CNTNAP5: variants seen among roughly 807,000 people sequenced by gnomAD.
The protein encoded by CNTNAP5 is contactin associated protein family member 5.
In CNTNAP5, 72 loss-of-function variants were observed where a neutral mutation model predicts 150.2. The observed-to-expected ratio is 0.48, with a 90% CI of 0.40 to 0.58. CNTNAP5 has a LOEUF of 0.58. CNTNAP5 is among the 20% of genes least tolerant of loss of function. The pLI is 0.00. For missense variants in CNTNAP5, 1,636 were observed against 1,626.2 expected (o/e 1.01, Z -0.10); for synonymous variants, 672 against 619.8 (o/e 1.08, Z -1.25).
chr2:124,498,002 C>T (rs751448575), intron 7 of CNTNAP5, among the ~76,000 whole-genome samples: 11 of 152,222 alleles, frequency 7.2e-5, no homozygotes, highest in Non-Finnish European at 5.9e-5. Flanking sequence ...TGCCATGACA[C>T]TCCTGTCCAT....
chr2:124,104,766 T>C (rs939804431), intron 1 of CNTNAP5, among the ~76,000 whole-genome samples: 14 of 152,320 alleles, frequency 9.2e-5, no homozygotes, highest in African/African-American at 3.1e-4. Context: ...ACAATTCTCC[T>C]GGCCCAGCAC....
intron 3 of CNTNAP5, among the ~76,000 whole-genome samples, chr2:124,274,744 T>A (rs574043763): frequency 6.6e-6 from 1 of 152,298 alleles, no homozygotes; most frequent in Non-Finnish European, 1.5e-5. Context: ...AATATGTTAA[T>A]GATCTAAAGG....
At chr2:124,869,833 G>T (rs1305659180) in intron 21 of CNTNAP5, 71 bp downstream of exon 21, 14 of 926,660 alleles carry the variant, frequency 1.5e-5, no homozygotes, top group South Asian at 1.2e-4. Context: ...TTTCATTAGG[G>T]TGTTTAAGGA....
intron 21 of CNTNAP5, among the ~76,000 whole-genome samples, chr2:124,894,559 CTTTTTT>C (rs200027631): frequency 7.0e-6 from 1 of 142,094 alleles, no homozygotes; most frequent in Non-Finnish European, 1.5e-5. Context: ...TTTTCTTTTT[CTTTTTT>C]TTTTTTAAGA....
chr2:124,403,110 T>C (rs1244001488), intron 3 of CNTNAP5, among the ~76,000 whole-genome samples: 4 of 152,240 alleles, frequency 2.6e-5, no homozygotes, highest in Admixed American at 6.5e-5. Flanking sequence ...AGTTCCTCCT[T>C]AACTTTAGTT....
intron 2 of CNTNAP5, among the ~76,000 whole-genome samples, chr2:124,231,362 A>C (rs1379462512): frequency 6.6e-6 from 1 of 152,124 alleles, no homozygotes; most frequent in Non-Finnish European, 1.5e-5. Context: ...ATTTTTTAAG[A>C]TGGAGAAACA....
chr2:124,251,297 C>T (rs1043691008), intron 3 of CNTNAP5, among the ~76,000 whole-genome samples: 1 of 151,708 alleles, frequency 6.6e-6, no homozygotes, highest in Non-Finnish European at 1.5e-5. Flanking sequence ...CCCCCACCCC[C>T]CCAAGTATTG....
At chr2:124,511,496 G>A (rs778921652) in intron 8 of CNTNAP5, among the ~76,000 whole-genome samples, 6 of 152,216 alleles carry the variant, frequency 3.9e-5, no homozygotes, top group Non-Finnish European at 7.3e-5. Flanking sequence ...CAGCCTACCT[G>A]TGCTCTAATC....
At chr2:124,728,461 C>A (rs981712678) in intron 13 of CNTNAP5, among the ~76,000 whole-genome samples, 3 of 151,958 alleles carry the variant, frequency 2.0e-5, no homozygotes, top group Non-Finnish European at 4.4e-5. Context: ...AATATTCATA[C>A]TCATTATTGA....
At chr2:124,522,048 G>A (rs964958890) in intron 8 of CNTNAP5, among the ~76,000 whole-genome samples, 8 of 152,138 alleles carry the variant, frequency 5.3e-5, no homozygotes, top group African/African-American at 1.2e-4. Context: ...AACACATCAG[G>A]TGTCCTACAT....
chr2:124,623,893 C>T (rs1238522666), intron 12 of CNTNAP5, among the ~76,000 whole-genome samples: 1 of 152,196 alleles, frequency 6.6e-6, no homozygotes, highest in Non-Finnish European at 1.5e-5. Context: ...TTCAGAGGGA[C>T]AATTTGCTTT....
intron 1 of CNTNAP5, among the ~76,000 whole-genome samples, chr2:124,217,003 C>G (rs1558805432): frequency 1.3e-5 from 2 of 152,252 alleles, no homozygotes; most frequent in East Asian, 3.9e-4. Flanking sequence ...TACGGTCCCA[C>G]CAACAGTGTA....
chr2:124,393,462 G>A (rs1213886421), intron 3 of CNTNAP5, among the ~76,000 whole-genome samples: 2 of 152,096 alleles, frequency 1.3e-5, no homozygotes, highest in Non-Finnish European at 2.9e-5. Flanking sequence ...TTGGAGACAA[G>A]CAGAAGGTTT....
In CNTNAP5 at chr2:124,441,890, G is replaced by C. The variant is rs79284404; in HGVS notation, c.734-4863G>C. Among the ~76,000 whole-genome samples, 1,002 of 151,724 alleles carry C rather than the reference G, an allele frequency of 6.6e-3. 16 individuals carry two copies. Among genetic ancestry groups the C allele is most frequent in the South Asian group, 0.061 (293 of 4,814 alleles). The stretch of plus-strand genomic sequence containing the variant: ...ATATATATATATGTACTAAGTAAAT[G>C]AACAATGTAAACAAGGAGCAATGCT... On this transcript the variant is annotated intron_variant, in intron 5 of 23. Transcript: ENST00000682447.
chr2:124,028,448 A>G (rs950451848), intron 1 of CNTNAP5, among the ~76,000 whole-genome samples: 2 of 152,158 alleles, frequency 1.3e-5, no homozygotes, highest in South Asian at 4.1e-4. Context: ...ATTAAAATAA[A>G]GTCAGGTTAG....
intron 13 of CNTNAP5, among the ~76,000 whole-genome samples, chr2:124,724,181 G>A (rs1377046752): frequency 1.5e-5 from 2 of 136,116 alleles, no homozygotes; most frequent in Non-Finnish European, 1.6e-5. Flanking sequence ...TAATAATGAT[G>A]ATACAGATCT....
Position 124,215,359 on chromosome 2 carries a change from G to C in CNTNAP5, c.83-6346G>C, listed in dbSNP as rs537451322. Among the ~76,000 whole-genome samples the C allele has an allele frequency of 3.3e-5, 5 of 152,216 alleles. No homozygotes were observed. In the South Asian group the frequency reaches 8.3e-4, roughly 25 times the overall value. Reference sequence around the variant, plus strand: ...AAAATATATGTTGGCAACAAAAAATGTTACTCGAAGTAGAATCATTTTAAA... The same window carrying C: ...AAAATATATGTTGGCAACAAAAAATCTTACTCGAAGTAGAATCATTTTAAA... On this transcript the variant is annotated intron_variant, in intron 1 of 23. Coordinates refer to ENST00000682447, the MANE Select transcript of CNTNAP5 (RefSeq NM_001367498.1).
chr2:124,469,608 AG>A (rs1693455944), intron 6 of CNTNAP5, among the ~76,000 whole-genome samples: 1 of 118,242 alleles, frequency 8.5e-6, no homozygotes, highest in South Asian at 3.4e-4. Context: ...GTAAATGTGC[AG>A]GATGTGCAGG....
intron 21 of CNTNAP5, among the ~76,000 whole-genome samples, chr2:124,883,228 A>C (rs554214532): frequency 6.6e-6 from 1 of 151,862 alleles, no homozygotes; most frequent in African/African-American, 2.4e-5. Flanking sequence ...AGTACAGCTA[A>C]TTTTTGTATT....
Sources: allele counts gnomAD v4.1 joint callset (sites outside exome capture counted in the v4.1 genomes callset), GRCh38; gene constraint gnomAD v4.1.1; transcripts MANE v1.5; gene names NCBI Gene and HGNC (gene_info 2026-07-23, HGNC 2026-07-21).